Variants in STIL observed in about 807,000 individuals in gnomAD.
The protein encoded by STIL is SCL-interrupting locus protein.
Under a neutral mutation model 110.1 loss-of-function variants are expected in STIL, and 55 were observed. The ratio of observed to expected loss-of-function variants is 0.50; its 90% CI spans 0.40 to 0.63. STIL has a LOEUF of 0.63. Among genes scored for constraint, STIL ranks in the 20% least tolerant of loss-of-function variants. The pLI is 0.00. For synonymous variants in STIL, 481 were observed against 530.0 expected, an observed-to-expected ratio of 0.91 and a Z score of 1.27; for missense variants, 1,358 against 1,530.0, an observed-to-expected ratio of 0.89 and a Z score of 1.87.
rs540520514 is a variant in STIL at position 47,260,652 on chromosome 1, C to A, written c.2830-113G>T. Reference sequence around the variant, plus strand: ...CTTTGGGAAGCCAAGGCAGGAAGATCGCTTGAGCCCAGGAGTTTAAGACCC... The same window carrying A: ...CTTTGGGAAGCCAAGGCAGGAAGATAGCTTGAGCCCAGGAGTTTAAGACCC... On this transcript the variant is annotated intron_variant, in intron 15 of 16. Transcript: ENST00000371877. The A allele has an allele frequency of 5.2e-6, 6 of 1,145,932 alleles. No individual in the cohort carries two copies. In the South Asian group the frequency reaches 8.0e-5, roughly 15 times the overall value. 71.0% of individuals were successfully genotyped at this position (1,145,932 alleles called of 1,614,324 possible).
At position 47,300,085 on chromosome 1, in the gene STIL, T is replaced by A; in HGVS notation, c.521A>T (p.His174Leu). ...DCGKLLSLRV[H>L]ITSRESLDSV... The stretch of plus-strand genomic sequence containing the variant: ...GTCCAAACTCTCCCTGGAAGTGATA[T>A]GAACTCTTAGGGAAAGCAGCTTACC... Residue 174 changes from histidine (H) to leucine (L), a missense_variant, in exon 6 of 17, where the codon CAT (histidine) becomes CTT (leucine). His to Leu is a moderately conservative substitution (Grantham distance 99, BLOSUM62 -3). Transcript: ENST00000371877. 6.2e-7 allele frequency: 1 copy of A among 1,614,164 alleles called. No individual in the cohort carries two copies. The highest frequency in any genetic ancestry group is 8.5e-7 in the Non-Finnish European group (1 of 1,180,004).
chr1:47,300,715 G>T (rs532904547), intron 5 of STIL, among the ~76,000 whole-genome samples: 2 of 152,286 alleles, frequency 1.3e-5, no homozygotes, highest in East Asian at 3.9e-4. Flanking sequence ...GCCCACCTCA[G>T]CCTCTCAAAG....
At chr1:47,293,349 T>C in intron 8 of STIL, 109 bp downstream of exon 8, 1 of 843,928 alleles carries the variant, frequency 1.2e-6, no homozygotes, top group Non-Finnish European at 2.0e-6. Flanking sequence ...CGTGTTTATT[T>C]ATAAGTATTG....
intron 13 of STIL, among the ~76,000 whole-genome samples, chr1:47,270,251 T>TACACACAC (rs1223004051): frequency 0.035 from 4,123 of 118,882 alleles, 108 homozygotes; most frequent in Non-Finnish European, 0.051. Context: ...AATATATATA[T>TACACACAC]ATATACACAC....
chr1:47,294,603 T>A (rs1645588774), intron 7 of STIL, among the ~76,000 whole-genome samples: 1 of 152,196 alleles, frequency 6.6e-6, no homozygotes, highest in Non-Finnish European at 1.5e-5. Flanking sequence ...GAGGATCACC[T>A]GAACCCCAGA....
chr1:47,278,376 A>G (rs977809662), intron 12 of STIL, among the ~76,000 whole-genome samples: 49 of 152,268 alleles, frequency 3.2e-4, no homozygotes, highest in African/African-American at 1.1e-3. Context: ...TCATATATAT[A>G]TAAGGAAAAT....
At chr1:47,289,047 G>A (rs181830377) in intron 9 of STIL, among the ~76,000 whole-genome samples, 49 of 121,672 alleles carry the variant, frequency 4.0e-4, no homozygotes, top group African/African-American at 1.4e-3. Flanking sequence ...GGGCAACTGA[G>A]TGAGATTCCA....
chr1:47,291,266 C>T (rs765338353), intron 8 of STIL, among the ~76,000 whole-genome samples: 1 of 152,046 alleles, frequency 6.6e-6, no homozygotes, highest in African/African-American at 2.4e-5. Flanking sequence ...GAGGCTGAGG[C>T]AGGAGAAACG....
At chr1:47,276,589 C>T (rs12738065) in intron 12 of STIL, among the ~76,000 whole-genome samples, 37,884 of 151,370 alleles carry the variant, frequency 0.25, 5,108 homozygotes, top group Non-Finnish European at 0.31. Flanking sequence ...AGGTGGATCA[C>T]CTGAGGTCAG....
chr1:47,307,776 T>C (rs1310094410), intron 2 of STIL, among the ~76,000 whole-genome samples: 1 of 152,142 alleles, frequency 6.6e-6, no homozygotes, highest in African/African-American at 2.4e-5. Flanking sequence ...CAAAAGCAAA[T>C]GGGAGAAATA....
intron 14 of STIL, among the ~76,000 whole-genome samples, chr1:47,266,461 C>T (rs1011838904): frequency 1.3e-4 from 20 of 152,126 alleles, no homozygotes; most frequent in Non-Finnish European, 2.8e-4. Flanking sequence ...TGGTCTCAAG[C>T]GATCCTCCTG....
Position 47,262,904 on chromosome 1 carries a change from A to G in STIL, c.2828T>C (p.Leu943Ser). ...SDNQKIYQDL[L>S]GQVNHLLNSS... The stretch of plus-strand genomic sequence containing the variant: ...ATGAAATGCTCTACATTTTCTTACC[A>G]ATAAATCCTGGTAAATTTTCTGGTT... The change falls in exon 15 of 17, where the codon TTG (leucine) becomes TCG (serine). Residue 943 changes from leucine (L) to serine (S), a missense_variant and splice_region_variant. Coordinates refer to ENST00000371877, the MANE Select transcript of STIL (RefSeq NM_001048166.1). 6.2e-7 allele frequency: 1 copy of G among 1,613,986 alleles called. No homozygotes were observed. Among genetic ancestry groups the G allele is most frequent in the Non-Finnish European group, 8.5e-7 (1 of 1,179,838 alleles).
rs9436838 is a variant in STIL at position 47,299,818 on chromosome 1, T to C, written c.701+87A>G. The C allele has an allele frequency of 0.51, 711,349 of 1,389,074 alleles. 188,478 individuals are homozygous for C. Among genetic ancestry groups the C allele is most frequent in the African/African-American group, 0.85 (59,400 of 70,140 alleles). 86.0% of individuals were successfully genotyped at this position (1,389,074 alleles called of 1,614,324 possible). Reference sequence around the variant, plus strand: ...AGCCACCATATCTCTGGCATATAAATTGACTGGACAATTCTTTCACATTAC... The same window carrying C: ...AGCCACCATATCTCTGGCATATAAACTGACTGGACAATTCTTTCACATTAC... On this transcript the variant is annotated intron_variant, in intron 6 of 16. Transcript: ENST00000371877.
rs1557766586 is a variant in STIL, at chr1:47,299,935, A to G, written c.671T>C (p.Ile224Thr). 2 of 1,614,046 alleles carry G rather than the reference A, an allele frequency of 1.2e-6. No homozygotes were observed. The highest frequency in any genetic ancestry group is 2.2e-5 in the East Asian group (1 of 44,872). The change falls in exon 6 of 17, where the codon ATT becomes ACT. Residue 224 changes from isoleucine (I) to threonine (T), a missense_variant. Coordinates refer to ENST00000371877, the MANE Select transcript of STIL (RefSeq NM_001048166.1). ...LARNLSSNLN[I>T]SQVQGTYKYG... ...TTTATAAGTCCCTTGAACTTGAGAA[A>G]TATTCAGATTACTGCTCAAGTTTCT... is the stretch of plus-strand genomic sequence containing the variant.
At chr1:47,289,376 AC>A (rs1482411134) in intron 9 of STIL, 58 bp downstream of exon 9, 1 of 1,498,988 alleles carries the variant, frequency 6.7e-7, no homozygotes, top group Non-Finnish European at 9.2e-7. Flanking sequence ...TTGGGTTTAA[AC>A]TGCCAAAGTG....
At chr1:47,308,255 G>T (rs560960382) in intron 2 of STIL, among the ~76,000 whole-genome samples, 9 of 152,196 alleles carry the variant, frequency 5.9e-5, no homozygotes, top group African/African-American at 2.2e-4. Flanking sequence ...ACCAACGTGT[G>T]ATGTCTCCCC....
In STIL at chr1:47,288,890, T is replaced by C. The variant is rs1338422905; in HGVS notation, c.1023+545A>G. Among the ~76,000 whole-genome samples, 23 of 31,638 alleles carry C rather than the reference T, an allele frequency of 7.3e-4. No homozygotes were observed. In the Admixed American group the frequency reaches 8.3e-3, roughly 11 times the overall value. The allele number at this position is 31,638 out of a possible 152,430, so 20.8% of individuals were successfully genotyped here. A position where few individuals can be genotyped will look rare whatever the true frequency, so the allele number is the denominator to read the frequency against. ...GGTGAAACTCCCTCTCTAATGAAAA[T>C]ACAAAAAAAAAAAAAAAAAAAAATA... On this transcript the variant is annotated intron_variant, in intron 9 of 16. Coordinates refer to ENST00000371877, the MANE Select transcript of STIL (RefSeq NM_001048166.1).
At chr1:47,285,977 C>T (rs1475450440) in intron 10 of STIL, among the ~76,000 whole-genome samples, 2 of 151,262 alleles carry the variant, frequency 1.3e-5, no homozygotes, top group Non-Finnish European at 2.9e-5. Context: ...CGGGTTCAAG[C>T]GATTCTCCCA....
chr1:47,304,833 C>G, intron 3 of STIL, 56 bp downstream of exon 3: 1 of 1,305,046 alleles, frequency 7.7e-7, no homozygotes, highest in Non-Finnish European at 1.1e-6. Flanking sequence ...CCTTATACAT[C>G]TTTGTATTAC....
Sources: gnomAD v4.1 joint callset for allele counts (sites outside exome capture counted in the v4.1 genomes callset) on GRCh38, gnomAD v4.1.1 for gene constraint, MANE v1.5 for transcripts, NCBI Gene and HGNC (gene_info 2026-07-23, HGNC 2026-07-21) for gene names.